Variants in ALDH9A1 observed in about 807,000 individuals in gnomAD.
The protein encoded by ALDH9A1 is 4-trimethylaminobutyraldehyde dehydrogenase.
Under a neutral mutation model 56.6 loss-of-function variants are expected in ALDH9A1, and 42 were observed. That is an observed-to-expected ratio of 0.74 (90% CI 0.58 to 0.96). The LOEUF (loss-of-function observed/expected upper bound fraction) is 0.96, where lower values mean the gene tolerates loss of function less well. Among genes scored for constraint, ALDH9A1 ranks in the 40% least tolerant of loss-of-function variants. ALDH9A1 has a pLI of 0.00. For missense variants in ALDH9A1, 661 were observed against 651.5 expected, an observed-to-expected ratio of 1.01 and a Z score of -0.16; for synonymous variants, 242 against 236.0, an observed-to-expected ratio of 1.03 and a Z score of -0.23.
At chr1:165,695,771 C>A (rs1650063631) in intron 1 of ALDH9A1, among the ~76,000 whole-genome samples, 1 of 152,136 alleles carries the variant, frequency 6.6e-6, no homozygotes, top group Non-Finnish European at 1.5e-5. Context: ...GCCGGAATTA[C>A]AGGCGTGGGC....
chr1:165,682,170 T>C lies in ALDH9A1; in HGVS notation c.529A>G (p.Ile177Val). ...TGAAAGGGGTAGTTCCATGCTCCTA[T>C]TCCCACACATACCCCAAGTGGTTCT... ...RREPLGVCVG[I>V]GAWNYPFQIA... The change falls in exon 4 of 11, where the codon ATA (isoleucine) becomes GTA (valine). Residue 177 changes from isoleucine to valine, a missense_variant. Physicochemically the swap from Ile to Val is conservative, Grantham distance 29. Transcript: ENST00000354775. 6.2e-7 allele frequency: 1 copy of C among 1,614,064 alleles called. No homozygotes were observed. The highest frequency in any genetic ancestry group is 8.5e-7 in the Non-Finnish European group (1 of 1,179,926).
intron 8 of ALDH9A1, 61 bp downstream of exon 8, chr1:165,668,865 C>A: frequency 1.6e-6 from 2 of 1,269,628 alleles, no homozygotes; most frequent in East Asian, 2.3e-5. Context: ...TATAAATATT[C>A]ATCTCTATCT....
In ALDH9A1 at chr1:165,693,832, T is replaced by TA. The variant is rs1649975441; in HGVS notation, c.327+1419dup. On this transcript the variant is annotated intron_variant, in intron 2 of 10. Coordinates refer to ENST00000354775, the MANE Select transcript of ALDH9A1 (RefSeq NM_000696.4). ...AACCAACCCAAATGCCCATCAATGATAGACTGGATTAAGAAAATGTGGCAC... is the reference window on the plus strand; with the variant it reads ...AACCAACCCAAATGCCCATCAATGATAAGACTGGATTAAGAAAATGTGGCAC... Among the ~76,000 whole-genome samples the TA allele has an allele frequency of 2.6e-5, 4 of 152,226 alleles. No individual in the cohort carries two copies. In the South Asian group the frequency reaches 8.3e-4, roughly 32 times the overall value.
rs1313184056 is a variant in ALDH9A1 at position 165,683,009 on chromosome 1, AT to A, written c.428del (p.Tyr143PhefsTer35). The A allele has an allele frequency of 2.5e-6, 4 of 1,614,102 alleles. No homozygotes were observed. Among genetic ancestry groups the A allele is most frequent in the Middle Eastern group, 1.7e-4 (1 of 6,060 alleles). On this transcript the variant is annotated frameshift_variant, in exon 3 of 11. Transcript: ENST00000354775. LOFTEE classifies it high-confidence loss of function. The part of the protein sequence containing the change: ...DIDISWQCLE[Y>X]YAGLAASMAG... ...CCATGGATGCAGCCAAGCCCGCATA[AT>A]ACTCCAGGCACTGCCAGGAAATGTC...
intron 2 of ALDH9A1, among the ~76,000 whole-genome samples, chr1:165,687,286 AG>A (rs1352073533): frequency 1.5e-5 from 2 of 136,342 alleles, no homozygotes; most frequent in African/African-American, 5.3e-5. Flanking sequence ...AAGTGATGGA[AG>A]AGGGGGCAAA....
intron 6 of ALDH9A1, among the ~76,000 whole-genome samples, chr1:165,672,453 T>C (rs2184918): frequency 0.23 from 34,597 of 152,072 alleles, 5,196 homozygotes; most frequent in East Asian, 0.8. Flanking sequence ...GTACGTAGAA[T>C]AGTCAAATTC....
chr1:165,682,762 G>A, intron 3 of ALDH9A1: 1 of 507,904 alleles, frequency 2.0e-6, no homozygotes, highest in Non-Finnish European at 3.4e-6. Flanking sequence ...TGCTTTACAT[G>A]CACTATCTCA....
chr1:165,692,123 G>A (rs532703357), intron 2 of ALDH9A1, among the ~76,000 whole-genome samples: 9 of 152,240 alleles, frequency 5.9e-5, no homozygotes, highest in African/African-American at 2.2e-4. Flanking sequence ...TACTGAATGG[G>A]CAAAAACTGG....
At chr1:165,697,395 G>C (rs994865794) in intron 1 of ALDH9A1, among the ~76,000 whole-genome samples, 1 of 152,154 alleles carries the variant, frequency 6.6e-6, no homozygotes, top group Non-Finnish European at 1.5e-5. Flanking sequence ...TAGATTGACC[G>C]TGGTAACCAT....
intron 2 of ALDH9A1, among the ~76,000 whole-genome samples, chr1:165,692,342 A>C (rs1218517777): frequency 6.6e-6 from 1 of 152,232 alleles, no homozygotes; most frequent in African/African-American, 2.4e-5. Flanking sequence ...AATCTCCTTA[A>C]GGTGATAAGC....
chr1:165,673,111 A>AAC lies in ALDH9A1; in HGVS notation c.931-3662_931-3661insGT, dbSNP rs1553242800. ...CACACTATTCAATTGCAAAAAAAAA[A>AAC]AAAAAAAACCTCTGATTACGAATGG... On this transcript the variant is annotated intron_variant, in intron 6 of 10. Coordinates refer to ENST00000354775, the MANE Select transcript of ALDH9A1 (RefSeq NM_000696.4). 1.9e-3 allele frequency among the ~76,000 whole-genome samples: 273 copies of AAC among 146,668 alleles called. 1 individual carries two copies. Among genetic ancestry groups the AAC allele is most frequent in the African/African-American group, 5.2e-3 (209 of 39,842 alleles).
rs1428247902 is a variant in ALDH9A1 at position 165,698,461 on chromosome 1, G to A, written c.98C>T (p.Ser33Leu). 1 of 1,607,324 alleles carries A rather than the reference G, an allele frequency of 6.2e-7. No individual in the cohort carries two copies. The change falls in exon 1 of 11, where the codon TCG becomes TTG. Residue 33 changes from serine (S) to leucine (L), a missense_variant. Ser to Leu is a moderately radical substitution (Grantham distance 145). Coordinates refer to ENST00000354775, the MANE Select transcript of ALDH9A1 (RefSeq NM_000696.4). The part of the protein sequence containing the change: ...AAMSTGTFVV[S>L]QPLNYRGGAR... ...CCCGCCGCGGTAATTGAGCGGCTGC[G>A]ACACGACGAAGGTGCCAGTGCTCAT...
intron 2 of ALDH9A1, among the ~76,000 whole-genome samples, chr1:165,689,758 ACT>A (rs1023691507): frequency 2.8e-4 from 43 of 151,862 alleles, no homozygotes; most frequent in Middle Eastern, 3.4e-3. Flanking sequence ...ACATGGGGAA[ACT>A]CTGTCTCTAC....
intron 6 of ALDH9A1, among the ~76,000 whole-genome samples, chr1:165,669,654 A>C (rs1649116151): frequency 6.6e-6 from 1 of 152,116 alleles, no homozygotes; most frequent in East Asian, 1.9e-4. Flanking sequence ...CACAAGCAAA[A>C]TCTGCCCTTT....
chr1:165,672,404 C>T (rs1649205851), intron 6 of ALDH9A1, among the ~76,000 whole-genome samples: 3 of 152,148 alleles, frequency 2.0e-5, no homozygotes, highest in South Asian at 4.2e-4. Context: ...ACGAGCCAGA[C>T]ATAAAATAAT....
chr1:165,667,320 G>A lies in ALDH9A1; in HGVS notation c.1338C>T (p.Gly446=), dbSNP rs551226422. The A allele has an allele frequency of 2.0e-5, 32 of 1,613,882 alleles. No individual in the cohort carries two copies. Among genetic ancestry groups the A allele is most frequent in the African/African-American group, 4.0e-5 (3 of 74,892 alleles). Residue 446 remains glycine (G), a synonymous_variant, in exon 9 of 11, where the codon GGC becomes GGT. Coordinates refer to ENST00000354775, the MANE Select transcript of ALDH9A1 (RefSeq NM_000696.4). ...ANDTTFGLAA[G]VFTRDIQRAH... is the part of the protein sequence containing the mutation. ...CCCACTCCACATACCTGGTAAAGAC[G>A]CCAGCTGCTAGTCCAAAAGTGGTAT...
rs1009000135 is a variant in ALDH9A1, at chr1:165,698,286, C to T, written c.181+92G>A. Reference sequence around the variant, plus strand: ...CACTGTCACTGTCTTGTGCTCAAGTCAACGCTGCAGAACACAGGAAACGGG... The same window carrying T: ...CACTGTCACTGTCTTGTGCTCAAGTTAACGCTGCAGAACACAGGAAACGGG... On this transcript the variant is annotated intron_variant, in intron 1 of 10. Coordinates refer to ENST00000354775, the MANE Select transcript of ALDH9A1 (RefSeq NM_000696.4). 2.4e-5 allele frequency: 36 copies of T among 1,490,648 alleles called. No homozygotes were observed. The Admixed American group carries it at 4.2e-4, about 17-fold the overall frequency. 92.3% of individuals were successfully genotyped at this position (1,490,648 alleles called of 1,614,324 possible).
chr1:165,693,859 T>C (rs1194836675), intron 2 of ALDH9A1, among the ~76,000 whole-genome samples: 1 of 152,144 alleles, frequency 6.6e-6, no homozygotes, highest in Non-Finnish European at 1.5e-5. Flanking sequence ...ATGTGGCACA[T>C]ATATACCATG....
chr1:165,694,430 A>C (rs1649997636), intron 2 of ALDH9A1, among the ~76,000 whole-genome samples: 2 of 152,032 alleles, frequency 1.3e-5, no homozygotes, highest in Non-Finnish European at 2.9e-5. Flanking sequence ...AGTATTAAAT[A>C]CTTGTTTTTA....
Sources: gnomAD v4.1 joint callset for allele counts (sites outside exome capture counted in the v4.1 genomes callset) on GRCh38, gnomAD v4.1.1 for gene constraint, MANE v1.5 for transcripts, NCBI Gene and HGNC (gene_info 2026-07-23, HGNC 2026-07-21) for gene names.